The following STAU2 variants were observed in gnomAD, a reference collection of about 807,000 sequenced individuals.
STAU2 encodes staufen double-stranded RNA binding protein 2.
Under a neutral mutation model 65.9 loss-of-function variants are expected in STAU2, and 20 were observed. The observed-to-expected ratio is 0.30, with a 90% CI of 0.21 to 0.44. STAU2 has a LOEUF of 0.44. Ranked by LOEUF, STAU2 falls within the 20% of genes least tolerant of loss-of-function variation. The pLI, the probability that STAU2 is intolerant of heterozygous loss-of-function variation, is 1.00. For missense variants in STAU2, 558 were observed against 683.9 expected (o/e 0.82, Z 2.05); for synonymous variants, 232 against 233.9 (o/e 0.99, Z 0.07).
intron 5 of STAU2, among the ~76,000 whole-genome samples, chr8:73,683,907 T>A (rs1253102957): frequency 6.6e-6 from 1 of 151,890 alleles, no homozygotes; most frequent in African/African-American, 2.4e-5. Context: ...ATGAAGAAGG[T>A]GGAAAGAACT....
chr8:73,725,288 GCTTA>G (rs1805545710), intron 3 of STAU2, among the ~76,000 whole-genome samples: 1 of 151,784 alleles, frequency 6.6e-6, no homozygotes, highest in Non-Finnish European at 1.5e-5. Flanking sequence ...TCCTACATAG[GCTTA>G]CTATTTTTAT....
At chr8:73,431,842 AAT>A (rs1817323630) in intron 13 of STAU2, among the ~76,000 whole-genome samples, 1 of 152,154 alleles carries the variant, frequency 6.6e-6, no homozygotes, top group African/African-American at 2.4e-5. Context: ...GCAATTTGCA[AAT>A]AGTGTTGAAA....
intron 13 of STAU2, among the ~76,000 whole-genome samples, chr8:73,504,919 A>G (rs1398591302): frequency 6.6e-6 from 1 of 152,124 alleles, no homozygotes; most frequent in Non-Finnish European, 1.5e-5. Flanking sequence ...TATTCAGAAG[A>G]AAAAAGGCCT....
intron 13 of STAU2, among the ~76,000 whole-genome samples, chr8:73,433,565 A>G (rs1420300331): frequency 6.7e-6 from 1 of 149,920 alleles, no homozygotes; most frequent in Non-Finnish European, 1.5e-5. Context: ...CAGTGGCACA[A>G]TATCAGCTCA....
In STAU2 at chr8:73,677,816, G is replaced by T. The variant is rs569450075; in HGVS notation, c.275-4574C>A. On this transcript the variant is annotated intron_variant, in intron 5 of 14. Transcript: ENST00000524300. ...TTTTAAAAGTTTACACCAAATAATCGATTCATTCTCTCAGCTTACTATAAC... is the reference window on the plus strand; with the variant it reads ...TTTTAAAAGTTTACACCAAATAATCTATTCATTCTCTCAGCTTACTATAAC... 3.9e-5 allele frequency among the ~76,000 whole-genome samples: 6 copies of T among 152,124 alleles called. No individual in the cohort carries two copies. In the South Asian group the frequency reaches 1.2e-3, roughly 32 times the overall value.
Position 73,613,754 on chromosome 8 carries a change from GT to G in STAU2, c.880del (p.Thr294GlnfsTer2), listed in dbSNP as rs1396225041. The G allele has an allele frequency of 6.2e-7, 1 of 1,609,136 alleles. No individual in the cohort carries two copies. The highest frequency in any genetic ancestry group is 1.7e-5 in the Admixed American group (1 of 59,724). On this transcript the variant is annotated frameshift_variant, in exon 9 of 15. Transcript: ENST00000524300. LOFTEE classifies it high-confidence loss of function. ...PKLFFKKRPKTIVKAGPEYGQ... is the reference protein window; with the variant it reads ...PKLFFKKRPKXIVKAGPEYGQ... ...CAAATATAAACTTACCTTTACTATT[GT>G]TTTAGGGCGTTTTTTAAAAAATAGT...
chr8:73,451,316 A>G (rs1029644422), intron 13 of STAU2, among the ~76,000 whole-genome samples: 1 of 152,112 alleles, frequency 6.6e-6, no homozygotes, highest in Non-Finnish European at 1.5e-5. Context: ...TTCCAATTAC[A>G]TCCAGATGTG....
At chr8:73,454,195 C>T (rs543445680) in intron 13 of STAU2, among the ~76,000 whole-genome samples, 41 of 152,324 alleles carry the variant, frequency 2.7e-4, no homozygotes, top group African/African-American at 8.9e-4. Context: ...ACAAATTCTG[C>T]ACTTTAGGCT....
At chr8:73,526,546 T>C (rs1341007595) in intron 13 of STAU2, among the ~76,000 whole-genome samples, 1 of 152,172 alleles carries the variant, frequency 6.6e-6, no homozygotes, top group Non-Finnish European at 1.5e-5. Context: ...GAAGATTAGT[T>C]AGGTAAGACT....
upstream of STAU2, chr8:73,747,333 C>CT: frequency 6.6e-7 from 1 of 1,525,088 alleles, no homozygotes; most frequent in South Asian, 1.2e-5. Context: ...CCCCGCCCGA[C>CT]TGACCGTCTG....
chr8:73,461,632 A>C (rs1819355003), intron 13 of STAU2, among the ~76,000 whole-genome samples: 1 of 151,992 alleles, frequency 6.6e-6, no homozygotes, highest in African/African-American at 2.4e-5. Context: ...GTGGCAGCAA[A>C]GAGGCCAACA....
intron 13 of STAU2, among the ~76,000 whole-genome samples, chr8:73,459,522 C>G (rs2128898859): frequency 1.3e-5 from 2 of 152,270 alleles, no homozygotes; most frequent in South Asian, 4.1e-4. Context: ...GTTTCTGGAG[C>G]TGCATTTTTA....
intron 12 of STAU2, among the ~76,000 whole-genome samples, chr8:73,554,875 G>A (rs1333581063): frequency 6.6e-6 from 1 of 152,300 alleles, no homozygotes; most frequent in African/African-American, 2.4e-5. Context: ...AATATTTCAT[G>A]AAGATCCCAT....
At chr8:73,468,515 G>C (rs2128904201) in intron 13 of STAU2, among the ~76,000 whole-genome samples, 1 of 152,278 alleles carries the variant, frequency 6.6e-6, no homozygotes, top group South Asian at 2.1e-4. Flanking sequence ...AGAGTGAACA[G>C]GCAACCTACA....
chr8:73,739,359 T>C (rs1331786676), intron 2 of STAU2, among the ~76,000 whole-genome samples: 2 of 151,978 alleles, frequency 1.3e-5, no homozygotes, highest in African/African-American at 4.8e-5. Flanking sequence ...ATATAAATTA[T>C]ATACAGACCT....
chr8:73,655,694 G>T (rs1411882131), intron 6 of STAU2, among the ~76,000 whole-genome samples: 2 of 139,442 alleles, frequency 1.4e-5, no homozygotes, highest in African/African-American at 5.5e-5. Context: ...TGTCGCCCAG[G>T]CTGGAGTGCA....
intron 13 of STAU2, among the ~76,000 whole-genome samples, chr8:73,535,556 C>T (rs756996536): frequency 1.3e-5 from 2 of 152,142 alleles, no homozygotes; most frequent in Non-Finnish European, 2.9e-5. Flanking sequence ...TACACACACA[C>T]AAACAATTAT....
intron 4 of STAU2, among the ~76,000 whole-genome samples, chr8:73,705,267 T>C (rs6472798): frequency 0.32 from 48,889 of 151,982 alleles, 9,165 homozygotes; most frequent in African/African-American, 0.51. Flanking sequence ...TTGTTCAAGG[T>C]CACATAAGCT....
chr8:73,568,778 G>A (rs1404168565), intron 12 of STAU2, among the ~76,000 whole-genome samples: 1 of 152,112 alleles, frequency 6.6e-6, no homozygotes, highest in Non-Finnish European at 1.5e-5. Flanking sequence ...AGTAACAGAT[G>A]GATCAAGACT....
Sources: allele counts gnomAD v4.1 joint callset (sites outside exome capture counted in the v4.1 genomes callset), GRCh38; gene constraint gnomAD v4.1.1; transcripts MANE v1.5; gene names NCBI Gene and HGNC (gene_info 2026-07-23, HGNC 2026-07-21).